The following PPP1R37 variants were observed in gnomAD, a reference collection of about 807,000 sequenced individuals.
The protein encoded by PPP1R37 is leucine rich repeat containing 68.
Under a neutral mutation model 61.0 loss-of-function variants are expected in PPP1R37, and 21 were observed. The observed-to-expected ratio is 0.34, with a 90% CI of 0.24 to 0.50. The LOEUF (loss-of-function observed/expected upper bound fraction) is 0.50. PPP1R37 is among the 20% of genes least tolerant of loss of function. The probability of loss-of-function intolerance (pLI) is 0.98; values close to 1 mark genes in which losing one functional copy is unlikely to be tolerated. For synonymous variants in PPP1R37, 443 were observed against 433.5 expected (o/e 1.02, Z -0.27); for missense variants, 910 against 952.7 (o/e 0.96, Z 0.59).
intron 1 of PPP1R37, among the ~76,000 whole-genome samples, chr19:45,105,690 C>T (rs1348064431): frequency 1.3e-5 from 2 of 152,154 alleles, no homozygotes; most frequent in African/African-American, 2.4e-5. Flanking sequence ...CCTTGATTCC[C>T]GGCCCGGTTC....
intron 1 of PPP1R37, among the ~76,000 whole-genome samples, chr19:45,137,198 C>T (rs1354817703): frequency 6.6e-6 from 1 of 152,210 alleles, no homozygotes; most frequent in South Asian, 2.1e-4. Context: ...CTTCCTGCTC[C>T]GCTGGTCACC....
intron 1 of PPP1R37, among the ~76,000 whole-genome samples, chr19:45,131,876 C>G (rs1246493777): frequency 6.6e-6 from 1 of 152,210 alleles, no homozygotes; most frequent in Non-Finnish European, 1.5e-5. Flanking sequence ...CTGGTGCCAG[C>G]TACTTCATGG....
chr19:45,110,795 C>G (rs770989660), intron 1 of PPP1R37, among the ~76,000 whole-genome samples: 8 of 152,294 alleles, frequency 5.3e-5, no homozygotes, highest in Middle Eastern at 3.4e-3. Flanking sequence ...ATCACTGGAG[C>G]CTTTGCTGGA....
rs1002346758 is a variant in PPP1R37 at position 45,145,001 on chromosome 19, G to T, written c.1129+6G>T. Reference sequence around the variant, plus strand: ...CACCAAGCTCACGTGCGAGGGTAGGGTACGGGGCCGGGCCAGGGTGCGGGC... The same window carrying T: ...CACCAAGCTCACGTGCGAGGGTAGGTTACGGGGCCGGGCCAGGGTGCGGGC... On this transcript the variant is annotated splice_donor_region_variant and intron_variant, in intron 9 of 12. Coordinates refer to ENST00000221462, the MANE Select transcript of PPP1R37 (RefSeq NM_019121.2). 5.9e-6 allele frequency: 9 copies of T among 1,532,752 alleles called. No individual in the cohort carries two copies. The highest frequency in any genetic ancestry group is 2.5e-5 in the East Asian group (1 of 40,700). The allele number at this position is 1,532,752 out of a possible 1,614,324, so 94.9% of individuals were successfully genotyped here.
intron 8 of PPP1R37, 55 bp downstream of exon 8, chr19:45,143,688 C>G (rs1202165342): frequency 9.6e-7 from 1 of 1,043,138 alleles, no homozygotes; most frequent in Non-Finnish European, 1.4e-6. Context: ...CCACCTCCCA[C>G]TCCAGCTCTC....
intron 1 of PPP1R37, among the ~76,000 whole-genome samples, chr19:45,098,571 A>T (rs1968023031): frequency 6.6e-6 from 1 of 152,140 alleles, no homozygotes; most frequent in Non-Finnish European, 1.5e-5. Context: ...AGGTGTCTGC[A>T]GGGCAGGGTG....
intron 1 of PPP1R37, among the ~76,000 whole-genome samples, chr19:45,101,670 A>T (rs1043100635): frequency 7.2e-5 from 11 of 152,206 alleles, no homozygotes; most frequent in Admixed American, 1.3e-4. Context: ...GTGAGCTGTG[A>T]TCACACCACT....
intron 1 of PPP1R37, among the ~76,000 whole-genome samples, chr19:45,129,255 C>T (rs993150838): frequency 1.3e-5 from 2 of 152,198 alleles, no homozygotes; most frequent in Non-Finnish European, 2.9e-5. Flanking sequence ...ATCCTTTTCC[C>T]TGCTCGCACT....
rs1374342591 is a variant in PPP1R37, at chr19:45,130,515, TGCGCAGTGG to T, written c.203-7996_203-7988del. 6.6e-6 allele frequency among the ~76,000 whole-genome samples: 1 copy of T among 152,140 alleles called. No homozygotes were observed. The highest frequency in any genetic ancestry group is 1.5e-5 in the Non-Finnish European group (1 of 68,020). On this transcript the variant is annotated intron_variant, in intron 1 of 12. Transcript: ENST00000221462. The surrounding 1 kb of genome is among the most constrained non-coding windows in gnomAD (Gnocchi z 4.4). Reference sequence around the variant, plus strand: ...CCTGCCACGGGGTTTGCACAGGGACTGCGCAGTGGGCCTCCTGAATGAAGACCCAGACCT... The same window carrying T: ...CCTGCCACGGGGTTTGCACAGGGACTGCCTCCTGAATGAAGACCCAGACCT...
At chr19:45,141,150 A>AG (rs1968605991) in intron 4 of PPP1R37, among the ~76,000 whole-genome samples, 172 bp from the exon 5 acceptor site, 1 of 152,080 alleles carries the variant, frequency 6.6e-6, no homozygotes, top group African/African-American at 2.4e-5. Flanking sequence ...AGAGAAGGAA[A>AG]GGGTTTGTCC....
chr19:45,145,034 C>T (rs1568451973), intron 9 of PPP1R37, 39 bp downstream of exon 9: 1 of 1,521,792 alleles, frequency 6.6e-7, no homozygotes, highest in Non-Finnish European at 8.8e-7. Context: ...GGCTGGTGGG[C>T]TCAGCCGGGC....
intron 1 of PPP1R37, among the ~76,000 whole-genome samples, chr19:45,114,981 C>G (rs1968246585): frequency 6.6e-6 from 1 of 152,034 alleles, no homozygotes; most frequent in Non-Finnish European, 1.5e-5. Context: ...AGTCTTGGGC[C>G]CTTGTGTTCT....
At position 45,130,424 on chromosome 19, in the gene PPP1R37, T is replaced by A. The variant is rs1968462069; in HGVS notation, c.203-8090T>A. On this transcript the variant is annotated intron_variant, in intron 1 of 12. Transcript: ENST00000221462. This position sits in a 1 kb window ranked among gnomAD's most constrained non-coding sequence, Gnocchi z 4.4. ...TCCCACATCATCCCCAGTGCTCCCC[T>A]CCCGGTGTGCTTTGGCGCCGAGCCT... Among the ~76,000 whole-genome samples the A allele has an allele frequency of 6.6e-6, 1 of 152,016 alleles. No homozygotes were observed. The highest frequency in any genetic ancestry group is 2.1e-4 in the South Asian group (1 of 4,810).
At chr19:45,122,726 C>T (rs1968356995) in intron 1 of PPP1R37, among the ~76,000 whole-genome samples, 1 of 152,058 alleles carries the variant, frequency 6.6e-6, no homozygotes, top group South Asian at 2.1e-4. Context: ...TGCAAAGACC[C>T]TGAGGCACTG....
intron 1 of PPP1R37, among the ~76,000 whole-genome samples, chr19:45,109,257 A>C (rs1968170688): frequency 6.6e-6 from 1 of 152,218 alleles, no homozygotes; most frequent in Admixed American, 6.5e-5. Context: ...GGGGTGCAGG[A>C]CACTAAAGAG....
intron 1 of PPP1R37, among the ~76,000 whole-genome samples, chr19:45,117,171 C>T (rs1184754416): frequency 1.3e-5 from 2 of 152,218 alleles, no homozygotes; most frequent in African/African-American, 2.4e-5. Flanking sequence ...CCTCAGCCTC[C>T]CAAAGTGCTG....
rs1237060205 is a variant in PPP1R37 at position 45,093,276 on chromosome 19, C to T, written c.-50C>T. The T allele has an allele frequency of 7.5e-7, 1 of 1,324,882 alleles. No individual in the cohort carries two copies. The highest frequency in any genetic ancestry group is 9.7e-7 in the Non-Finnish European group (1 of 1,033,026). The allele number at this position is 1,324,882 out of a possible 1,614,324, so 82.1% of individuals were successfully genotyped here. On this transcript the variant is annotated 5_prime_UTR_variant, in exon 1 of 13. Transcript: ENST00000221462. ...GCGGGCGGACCCGGAGAGACAAATC[C>T]GGGGCCCGGGGCATGTCCCCGGGGC...
chr19:45,142,611 C>A, intron 7 of PPP1R37, 153 bp downstream of exon 7: 2 of 771,218 alleles, frequency 2.6e-6, no homozygotes, highest in Non-Finnish European at 4.1e-6. Context: ...CCGCCCTAGA[C>A]AGTGACAACC....
rs376218677 is a variant in PPP1R37, at chr19:45,141,963, A to AGGTCCTGGGGCCAGGGAGTGCTGGGGC, written c.568-70_568-44dup. On this transcript the variant is annotated intron_variant, in intron 5 of 12. Transcript: ENST00000221462. ...GTTGCTCATTGAGACATGGGGGCAC[A>AGGTCCTGGGGCCAGGGAGTGCTGGGGC]GGTCCTGGGGCCAGGGAGTGCTGGG... 48 of 1,314,958 alleles carry AGGTCCTGGGGCCAGGGAGTGCTGGGGC rather than the reference A, an allele frequency of 3.7e-5. 1 individual carries two copies. The highest frequency in any genetic ancestry group is 2.4e-4 in the African/African-American group (16 of 66,918). 81.5% of individuals were successfully genotyped at this position (1,314,958 alleles called of 1,614,324 possible). A position where few individuals can be genotyped will look rare whatever the true frequency, so the allele number is the denominator to read the frequency against.
Sources: gnomAD v4.1 joint callset for allele counts (sites outside exome capture counted in the v4.1 genomes callset) on GRCh38, gnomAD v4.1.1 for gene constraint, Gnocchi (gnomAD v3.1) non-coding constraint, MANE v1.5 for transcripts, NCBI Gene and HGNC (gene_info 2026-07-23, HGNC 2026-07-21) for gene names.